Variants in ZNF451 observed in about 807,000 individuals in gnomAD.
ZNF451 encodes the protein E3 SUMO-protein ligase ZNF451.
ZNF451 carries 80 observed loss-of-function variants against 107.1 expected under a neutral mutation model. The ratio of observed to expected loss-of-function variants is 0.75; its 90% confidence interval spans 0.62 to 0.90. The LOEUF is 0.90. ZNF451 is among the 40% of genes least tolerant of loss of function. The pLI, the probability that ZNF451 is intolerant of heterozygous loss-of-function variation, is 0.00. For synonymous variants in ZNF451, 362 were observed against 406.5 expected, an observed-to-expected ratio of 0.89 and a Z score of 1.32; for missense variants, 1,107 against 1,236.2, an observed-to-expected ratio of 0.90 and a Z score of 1.57.
intron 2 of ZNF451, among the ~76,000 whole-genome samples, chr6:57,097,216 C>A (rs1829370572): frequency 1.3e-5 from 2 of 152,146 alleles, no homozygotes; most frequent in Admixed American, 6.5e-5. Context: ...TGCTACAGAT[C>A]CCTGCCCAGT....
intron 9 of ZNF451, among the ~76,000 whole-genome samples, chr6:57,145,257 A>G (rs1179470543): frequency 1.3e-5 from 2 of 152,206 alleles, no homozygotes; most frequent in Non-Finnish European, 2.9e-5. Context: ...TGCAAAAGCA[A>G]CTAGGGGCAT....
intron 3 of ZNF451, chr6:57,103,686 T>C: frequency 1.0e-6 from 1 of 985,272 alleles, no homozygotes; most frequent in South Asian, 4.7e-5. Flanking sequence ...AACTTCTGCG[T>C]TTTTTCATCT....
chr6:57,161,044 T>G (rs537990968), intron 13 of ZNF451, 40 bp from the exon 14 acceptor site: 1 of 1,330,938 alleles, frequency 7.5e-7, no homozygotes, highest in South Asian at 1.5e-5. Flanking sequence ...ATACATAAAT[T>G]TATGGCACAA....
intron 4 of ZNF451, 151 bp downstream of exon 4, chr6:57,125,010 CTTTTTACATCTATTTTTAG>C: frequency 2.5e-6 from 1 of 393,884 alleles, no homozygotes. Flanking sequence ...TTCATAATAG[CTTTTTACATCTATTTTTAG>C]TTTGTTGGAT....
chr6:57,105,746 A>G (rs962867933), intron 3 of ZNF451: 1 of 985,404 alleles, frequency 1.0e-6, no homozygotes, highest in Non-Finnish European at 1.2e-6. Context: ...AGCCATGATA[A>G]CACAACTTAT....
intron 12 of ZNF451, among the ~76,000 whole-genome samples, chr6:57,153,603 G>T (rs922420857): frequency 6.6e-6 from 1 of 151,882 alleles, no homozygotes; most frequent in Non-Finnish European, 1.5e-5. Context: ...AATAGAGACC[G>T]CGTTTCACCA....
chr6:57,161,231 T>TC, intron 14 of ZNF451, 79 bp downstream of exon 14: 1 of 780,882 alleles, frequency 1.3e-6, no homozygotes, highest in Non-Finnish European at 1.9e-6. Flanking sequence ...TCTCACCCAT[T>TC]CACCCCTCTT....
chr6:57,167,531 C>G (rs1763951382), intron 14 of ZNF451, among the ~76,000 whole-genome samples: 3 of 152,150 alleles, frequency 2.0e-5, no homozygotes, highest in Admixed American at 2.0e-4. Flanking sequence ...ACTTGATACA[C>G]AGTTCATGCT....
intron 13 of ZNF451, among the ~76,000 whole-genome samples, chr6:57,155,180 A>G (rs1763351475): frequency 6.6e-6 from 1 of 150,890 alleles, no homozygotes; most frequent in African/African-American, 2.5e-5. Context: ...TCTTAAAACA[A>G]AAAACAAAAA....
In ZNF451 at chr6:57,095,814, T is replaced by TTTGTTG. The variant is rs936673400; in HGVS notation, c.106-3225_106-3220dup. On this transcript the variant is annotated intron_variant, in intron 2 of 14. Coordinates refer to ENST00000370706, the MANE Select transcript of ZNF451 (RefSeq NM_001031623.3). ...TTAAATATTACTGCAGCTTTTTTTT[T>TTTGTTG]TTGTTGTTGTTGTTGTTGTTGTTGT... 3.8e-4 allele frequency among the ~76,000 whole-genome samples: 56 copies of TTTGTTG among 148,142 alleles called. No homozygotes were observed. The South Asian group carries it at 4.1e-3, about 11-fold the overall frequency.
At position 57,147,121 on chromosome 6, in the gene ZNF451, G is replaced by A. The variant is rs141810606; in HGVS notation, c.1036G>A (p.Val346Ile). The change falls in exon 10 of 15, where the codon GTA becomes ATA. Residue 346 changes from valine (V) to isoleucine (I), a missense_variant. By Grantham distance (29) the Val-to-Ile change is conservative. Transcript: ENST00000370706. Reference sequence around the variant, plus strand: ...TTGTCGAAATGCTGGACCTGTAGCTGTAGCTGAGAAGAGCATTACCCAGGT... The same window carrying A: ...TTGTCGAAATGCTGGACCTGTAGCTATAGCTGAGAAGAGCATTACCCAGGT... Reference protein sequence around the residue: ...VHCRNAGPVAVAEKSITQVAE... With the variant: ...VHCRNAGPVAIAEKSITQVAE... The A allele has an allele frequency of 3.7e-6, 6 of 1,613,128 alleles. No individual in the cohort carries two copies. The Admixed American group carries it at 5.0e-5, about 13-fold the overall frequency.
chr6:57,103,714 T>C, intron 3 of ZNF451: 1 of 985,334 alleles, frequency 1.0e-6, no homozygotes, highest in Non-Finnish European at 1.2e-6. Flanking sequence ...CAAGGCATTT[T>C]GGATGTACTG....
chr6:57,147,525 C>G lies in ZNF451; in HGVS notation c.1440C>G (p.Phe480Leu). Residue 480 changes from phenylalanine (F) to leucine (L), a missense_variant, in exon 10 of 15, where the codon TTC becomes TTG. This residue lies in a region of ZNF451 where 608 missense variants were observed against 649.2 expected (regional missense o/e 0.94). Transcript: ENST00000370706. ...KTWFCECNQR[F>L]PSEDAVEKHV... is the part of the protein sequence containing the mutation. ...GGTTCTGTGAATGCAATCAGCGATT[C>G]CCAAGTGAAGATGCAGTAGAAAAGC... 1 of 1,614,054 alleles carries G rather than the reference C, an allele frequency of 6.2e-7. No homozygotes were observed. Among genetic ancestry groups the G allele is most frequent in the Non-Finnish European group, 8.5e-7 (1 of 1,179,986 alleles).
chr6:57,097,792 G>A (rs556854362), intron 2 of ZNF451, among the ~76,000 whole-genome samples: 13 of 152,114 alleles, frequency 8.5e-5, no homozygotes, highest in African/African-American at 2.9e-4. Context: ...GATACACCCT[G>A]TGTACCACTG....
At chr6:57,118,702 T>TCC in intron 3 of ZNF451, among the ~76,000 whole-genome samples, 1 of 152,276 alleles carries the variant, frequency 6.6e-6, no homozygotes, top group East Asian at 1.9e-4. Flanking sequence ...TGGGCTGGTC[T>TCC]CCAACTCCTG....
chr6:57,099,340 GA>G, intron 3 of ZNF451, 199 bp downstream of exon 3: 1 of 645,036 alleles, frequency 1.6e-6, no homozygotes, highest in Non-Finnish European at 2.8e-6. Context: ...ATGAGATTAT[GA>G]AAAAAATGAT....
At chr6:57,096,401 G>T (rs1239483408) in intron 2 of ZNF451, among the ~76,000 whole-genome samples, 1 of 151,430 alleles carries the variant, frequency 6.6e-6, no homozygotes, top group Non-Finnish European at 1.5e-5. Context: ...GGCCAGGCTG[G>T]TCTCAAATTC....
chr6:57,151,834 A>G lies in ZNF451; in HGVS notation c.2753-387A>G, dbSNP rs190794303. The G allele has an allele frequency of 1.9e-5, 3 of 157,916 alleles. No individual in the cohort carries two copies. In the Admixed American group the frequency reaches 1.9e-4, roughly 10 times the overall value. 9.8% of individuals were successfully genotyped at this position (157,916 alleles called of 1,614,324 possible). A position where few individuals can be genotyped will look rare whatever the true frequency, so the allele number is the denominator to read the frequency against. On this transcript the variant is annotated intron_variant, in intron 11 of 14. Transcript: ENST00000370706. Reference sequence around the variant, plus strand: ...AGAAACATACTGACCTGGATAAGTTAGCCAGTATAATTGCTTTAGTAAGTT... The same window carrying G: ...AGAAACATACTGACCTGGATAAGTTGGCCAGTATAATTGCTTTAGTAAGTT...
intron 3 of ZNF451, chr6:57,106,938 A>G (rs1338863235): frequency 2.1e-6 from 2 of 930,382 alleles, no homozygotes; most frequent in African/African-American, 3.6e-5. Flanking sequence ...TAAACCATTA[A>G]AATATTATTT....
Sources: gnomAD v4.1 joint callset for allele counts (sites outside exome capture counted in the v4.1 genomes callset) on GRCh38, gnomAD v4.1.1 for gene constraint, gnomAD v4.1.1 regional missense constraint, MANE v1.5 for transcripts, NCBI Gene and HGNC (gene_info 2026-07-23, HGNC 2026-07-21) for gene names.